ZDHHC21: variants seen among roughly 807,000 people sequenced by gnomAD.
ZDHHC21 encodes the protein palmitoyltransferase ZDHHC21.
Under a neutral mutation model 34.6 loss-of-function variants are expected in ZDHHC21, and 15 were observed. That is an observed-to-expected ratio of 0.43 (90% CI 0.29 to 0.67). The LOEUF (loss-of-function observed/expected upper bound fraction) is 0.67. Ranked by LOEUF, ZDHHC21 falls within the 30% of genes least tolerant of loss-of-function variation. The pLI is 0.14. For synonymous variants in ZDHHC21, 142 were observed against 101.8 expected (o/e 1.40, Z -2.38); for missense variants, 344 against 327.7 (o/e 1.05, Z -0.38).
At chr9:14,674,822 T>A (rs1836078831) in intron 3 of ZDHHC21, among the ~76,000 whole-genome samples, 1 of 151,986 alleles carries the variant, frequency 6.6e-6, no homozygotes, top group Non-Finnish European at 1.5e-5. Flanking sequence ...AAACAGTGGT[T>A]ACCTTGTGGT....
chr9:14,631,923 T>C (rs1047474749), intron 8 of ZDHHC21, among the ~76,000 whole-genome samples: 3 of 152,222 alleles, frequency 2.0e-5, no homozygotes, highest in Admixed American at 6.5e-5. Flanking sequence ...ATAATAATCA[T>C]GAACATGTTT....
chr9:14,624,903 T>C (rs1825941409), intron 8 of ZDHHC21, among the ~76,000 whole-genome samples: 1 of 152,108 alleles, frequency 6.6e-6, no homozygotes, highest in Non-Finnish European at 1.5e-5. Flanking sequence ...CATCACATTG[T>C]ACCCCATAAC....
intron 7 of ZDHHC21, among the ~76,000 whole-genome samples, chr9:14,653,805 CA>C (rs1193546094): frequency 1.3e-5 from 2 of 151,962 alleles, no homozygotes; most frequent in Non-Finnish European, 2.9e-5. Flanking sequence ...ATTTTTTAAA[CA>C]AAATGCTATT....
At chr9:14,596,659 T>C in the ZDHHC21 span, among the ~76,000 whole-genome samples, 14 of 152,162 alleles carry the variant, frequency 9.2e-5, no homozygotes, top group African/African-American at 3.1e-4. Context: ...CTTTGTCTAT[T>C]GCTTCATTCC....
intron 3 of ZDHHC21, among the ~76,000 whole-genome samples, chr9:14,675,260 G>A (rs1340701605): frequency 6.6e-6 from 1 of 151,830 alleles, no homozygotes; most frequent in Admixed American, 6.6e-5. Flanking sequence ...TACTTTGGTA[G>A]ATATAACTTC....
At chr9:14,638,249 T>G (rs1338630056) in intron 8 of ZDHHC21, among the ~76,000 whole-genome samples, 1 of 152,072 alleles carries the variant, frequency 6.6e-6, no homozygotes, top group African/African-American at 2.4e-5. Flanking sequence ...CCAACTGATT[T>G]TTGACAAAGG....
At chr9:14,689,721 A>T (rs937698251) in intron 2 of ZDHHC21, among the ~76,000 whole-genome samples, 3 of 152,070 alleles carry the variant, frequency 2.0e-5, no homozygotes, top group Admixed American at 1.3e-4. Flanking sequence ...TGCTTGCATT[A>T]ACTTGCTTTA....
chr9:14,653,333 AT>A (rs1831592574), intron 7 of ZDHHC21, among the ~76,000 whole-genome samples: 1 of 151,944 alleles, frequency 6.6e-6, no homozygotes, highest in Non-Finnish European at 1.5e-5. Flanking sequence ...ATAAAACATT[AT>A]TTTTTTAAAT....
At chr9:14,662,153 T>C (rs2133946337) in intron 6 of ZDHHC21, 62 bp downstream of exon 6, 2 of 1,221,982 alleles carry the variant, frequency 1.6e-6, no homozygotes, top group East Asian at 2.4e-5. Flanking sequence ...AGCTGCCAAG[T>C]TGTAAGATTT....
chr9:14,692,043 C>G (rs1388763876), intron 1 of ZDHHC21, among the ~76,000 whole-genome samples: 2 of 152,160 alleles, frequency 1.3e-5, no homozygotes, highest in East Asian at 1.9e-4. Flanking sequence ...TTTCTTTCCA[C>G]GACACCAAAT....
chr9:14,628,152 A>G (rs1036778725), intron 8 of ZDHHC21, among the ~76,000 whole-genome samples: 1 of 152,174 alleles, frequency 6.6e-6, no homozygotes, highest in Non-Finnish European at 1.5e-5. Context: ...AGATTAGTCT[A>G]TTTAACAGAA....
chr9:14,632,085 ACACACT>A (rs2133595800), intron 8 of ZDHHC21, among the ~76,000 whole-genome samples: 2 of 151,810 alleles, frequency 1.3e-5, no homozygotes, highest in African/African-American at 4.8e-5. Context: ...ACACACACAC[ACACACT>A]ATCTACAAAG....
intron 8 of ZDHHC21, among the ~76,000 whole-genome samples, chr9:14,636,154 A>G (rs967208960): frequency 6.6e-6 from 1 of 152,192 alleles, no homozygotes; most frequent in African/African-American, 2.4e-5. Flanking sequence ...TGACACAACA[A>G]TATGCTGCCT....
intron 7 of ZDHHC21, among the ~76,000 whole-genome samples, chr9:14,651,740 A>G (rs947154986): frequency 6.6e-6 from 1 of 151,978 alleles, no homozygotes; most frequent in Non-Finnish European, 1.5e-5. Context: ...TTGGTAAATA[A>G]CCAGTATCCA....
intron 8 of ZDHHC21, among the ~76,000 whole-genome samples, chr9:14,627,721 G>C (rs1335098582): frequency 6.6e-6 from 1 of 152,102 alleles, no homozygotes; most frequent in Non-Finnish European, 1.5e-5. Flanking sequence ...ACCAGAATGC[G>C]CTGTACCAGC....
chr9:14,645,002 C>G (rs1165731882), intron 7 of ZDHHC21, among the ~76,000 whole-genome samples: 5 of 151,970 alleles, frequency 3.3e-5, no homozygotes, highest in Admixed American at 6.6e-5. Context: ...AAGTTTTGCT[C>G]CCAAGTGGGA....
chr9:14,673,521 T>TG (rs1467235186), intron 4 of ZDHHC21, among the ~76,000 whole-genome samples: 3 of 151,294 alleles, frequency 2.0e-5, no homozygotes, highest in African/African-American at 7.3e-5. Context: ...GAAATTCTGT[T>TG]GGGGCGATAA....
chr9:14,662,664 TACTAAAAC>T (rs1833622544), intron 5 of ZDHHC21, among the ~76,000 whole-genome samples: 1 of 152,216 alleles, frequency 6.6e-6, no homozygotes, highest in Non-Finnish European at 1.5e-5. Context: ...CAAATTATTA[TACTAAAAC>T]AATTTTATTT....
chr9:14,664,567 A>G (rs1211096029), intron 5 of ZDHHC21, among the ~76,000 whole-genome samples: 1 of 151,174 alleles, frequency 6.6e-6, no homozygotes, highest in Non-Finnish European at 1.5e-5. Flanking sequence ...GGCACAGACA[A>G]ACAAAAAGAC....
Sources: gnomAD v4.1 joint callset for allele counts (sites outside exome capture counted in the v4.1 genomes callset) on GRCh38, gnomAD v4.1.1 for gene constraint, MANE v1.5 for transcripts, NCBI Gene and HGNC (gene_info 2026-07-23, HGNC 2026-07-21) for gene names.